Variants in PDK3 observed in about 807,000 individuals in gnomAD.
PDK3 encodes pyruvate dehydrogenase kinase 3.
In PDK3, 12 loss-of-function variants were observed where a neutral mutation model predicts 32.0. The ratio of observed to expected loss-of-function variants is 0.37; its 90% confidence interval spans 0.24 to 0.61. The LOEUF is 0.61. Ranked by LOEUF, PDK3 falls within the 20% of genes least tolerant of loss-of-function variation. PDK3 has a pLI of 0.65. For missense variants in PDK3, 188 were observed against 316.9 expected (o/e 0.59, Z 3.09); for synonymous variants, 122 against 116.3 (o/e 1.05, Z -0.31).
At chrX:24,532,858 A>T (rs144540518) in intron 10 of PDK3, among the ~76,000 whole-genome samples, 1 of 111,254 alleles carries the variant, frequency 9.0e-6, no homozygotes, top group African/African-American at 3.3e-5. Flanking sequence ...TCTTTTAAAC[A>T]GTGGCATAAC....
chrX:24,472,504 A>G (rs2088230363), intron 1 of PDK3, among the ~76,000 whole-genome samples: 1 of 111,458 alleles, frequency 9.0e-6, no homozygotes, highest in Non-Finnish European at 1.9e-5. Flanking sequence ...AAGACTTAAT[A>G]TAAAAATAGT....
At chrX:24,530,374 C>G in intron 9 of PDK3, among the ~76,000 whole-genome samples, 1 of 111,565 alleles carries the variant, frequency 9.0e-6, no homozygotes, top group Non-Finnish European at 1.9e-5. Context: ...GCCATAGTAC[C>G]AGCCTCAATT....
At chrX:24,538,910 A>G (rs142405934), downstream of PDK3, among the ~76,000 whole-genome samples, 443 of 112,451 alleles carry the variant, frequency 3.9e-3, 3 homozygotes, top group African/African-American at 0.013. Flanking sequence ...CAGTCACTCT[A>G]TATTTCTAAC....
At chrX:24,478,698 C>T (rs1002582062) in intron 1 of PDK3, among the ~76,000 whole-genome samples, 4 of 111,980 alleles carry the variant, frequency 3.6e-5, no homozygotes, top group Non-Finnish European at 5.6e-5. Context: ...TTGTAGTAAA[C>T]TATTACATTT....
rs990531239 is a variant in PDK3, at chrX:24,531,667, G to T, written c.974G>T (p.Gly325Val). 1.0e-5 allele frequency: 12 copies of T among 1,181,259 alleles called. No homozygotes were observed. The highest frequency in any genetic ancestry group is 3.5e-5 in the African/African-American group (2 of 56,642). Reference sequence around the variant, plus strand: ...TTCTTTTCTCAATAGGCTGGATTTGGTTATGGTTTGCCAATTTCCCGTCTG... The same window carrying T: ...TTCTTTTCTCAATAGGCTGGATTTGTTTATGGTTTGCCAATTTCCCGTCTG... Reference protein sequence around the residue: ...PTRAAPLAGFGYGLPISRLYA... With the variant: ...PTRAAPLAGFVYGLPISRLYA... The change falls in exon 10 of 11, where the codon GGT becomes GTT. Residue 325 changes from glycine (G) to valine (V), a missense_variant. Coordinates refer to ENST00000379162, the MANE Select transcript of PDK3 (RefSeq NM_005391.5).
chrX:24,511,727 A>G (rs138844424), intron 5 of PDK3, among the ~76,000 whole-genome samples: 1,383 of 110,327 alleles, frequency 0.013, 29 homozygotes, highest in African/African-American at 0.043. Flanking sequence ...AGGCACCTGT[A>G]ATCCCAGCTA....
At chrX:24,481,742 G>A (rs1253348869) in intron 1 of PDK3, among the ~76,000 whole-genome samples, 4 of 111,612 alleles carry the variant, frequency 3.6e-5, no homozygotes, top group Non-Finnish European at 7.5e-5. Context: ...CTTCCCCTTC[G>A]CCTCTGCCAT....
chrX:24,487,425 C>G (rs780797554), intron 1 of PDK3, among the ~76,000 whole-genome samples: 1 of 111,791 alleles, frequency 8.9e-6, no homozygotes, highest in Non-Finnish European at 1.9e-5. Context: ...CTATTGGGTA[C>G]TGTGCACACT....
intron 1 of PDK3, among the ~76,000 whole-genome samples, 163 bp from the exon 2 acceptor site, chrX:24,494,579 A>G (rs1056984973): frequency 2.7e-5 from 3 of 112,028 alleles, no homozygotes; most frequent in Non-Finnish European, 5.6e-5. Context: ...TAATTAACTT[A>G]TTTTCTTGAA....
intron 1 of PDK3, among the ~76,000 whole-genome samples, chrX:24,471,558 C>T (rs977975384): frequency 8.9e-6 from 1 of 112,266 alleles, no homozygotes; most frequent in African/African-American, 3.2e-5. Flanking sequence ...ATACTCTCTT[C>T]TCAGGTTGCA....
At chrX:24,511,004 CTG>C (rs1401993748) in intron 5 of PDK3, among the ~76,000 whole-genome samples, 2 of 112,299 alleles carry the variant, frequency 1.8e-5, no homozygotes, top group African/African-American at 6.5e-5. Context: ...CCAAGTAAGA[CTG>C]AGAGAGAATA....
chrX:24,532,604 A>T (rs1159322786), intron 10 of PDK3, among the ~76,000 whole-genome samples: 1 of 111,802 alleles, frequency 8.9e-6, no homozygotes, highest in African/African-American at 3.2e-5. Flanking sequence ...ATAAAAATTT[A>T]AAAGCTACAA....
At chrX:24,469,551 G>A (rs1039452195) in intron 1 of PDK3, among the ~76,000 whole-genome samples, 1 of 109,828 alleles carries the variant, frequency 9.1e-6, no homozygotes, top group Non-Finnish European at 1.9e-5. Flanking sequence ...CCAAGACAGA[G>A]GATGGCTTGA....
intron 5 of PDK3, among the ~76,000 whole-genome samples, chrX:24,512,022 T>A (rs5986549): frequency 1.8e-5 from 2 of 110,111 alleles, no homozygotes; most frequent in Non-Finnish European, 3.8e-5. Flanking sequence ...GTGCATCTTG[T>A]GTAGCATTAA....
At chrX:24,469,618 A>T (rs991221210) in intron 1 of PDK3, among the ~76,000 whole-genome samples, 1 of 109,738 alleles carries the variant, frequency 9.1e-6, no homozygotes, top group African/African-American at 3.3e-5. Context: ...CTCTAAAAAA[A>T]ATAATAATAA....
chrX:24,495,088 C>G (rs1488229188), intron 2 of PDK3, among the ~76,000 whole-genome samples: 1 of 112,141 alleles, frequency 8.9e-6, no homozygotes, highest in Admixed American at 9.5e-5. Context: ...AGTGAAAATG[C>G]TTGTTAAGTT....
chrX:24,475,613 C>T (rs754356001), intron 1 of PDK3, among the ~76,000 whole-genome samples: 41 of 109,525 alleles, frequency 3.7e-4, no homozygotes, highest in African/African-American at 1.3e-3. Context: ...GAGCTGGGAT[C>T]GCGTCACTGC....
intron 1 of PDK3, among the ~76,000 whole-genome samples, chrX:24,488,135 C>T: frequency 9.0e-6 from 1 of 110,614 alleles, no homozygotes; most frequent in Non-Finnish European, 1.9e-5. Flanking sequence ...GGTTATCAGC[C>T]ACTATGTAAA....
intron 4 of PDK3, 131 bp downstream of exon 4, chrX:24,503,642 A>G: frequency 2.2e-6 from 1 of 453,429 alleles, no homozygotes. Flanking sequence ...GGTTTTTCCT[A>G]AGTGAATCCT....
Sources: allele counts gnomAD v4.1 joint callset (sites outside exome capture counted in the v4.1 genomes callset), GRCh38; gene constraint gnomAD v4.1.1; transcripts MANE v1.5; gene names NCBI Gene and HGNC (gene_info 2026-07-23, HGNC 2026-07-21).